ZSCAN20: variants seen among roughly 807,000 people sequenced by gnomAD.
The protein encoded by ZSCAN20 is zinc finger and SCAN domain containing 20, also known as zinc finger and SCAN domain-containing protein 20.
A neutral mutation model predicts 97.1 loss-of-function variants in ZSCAN20; 39 were observed. The ratio of observed to expected loss-of-function variants is 0.40; its 90% CI spans 0.31 to 0.52. The LOEUF (loss-of-function observed/expected upper bound fraction) is 0.52. Among genes scored for constraint, ZSCAN20 ranks in the 20% least tolerant of loss-of-function variants. ZSCAN20 has a pLI of 0.49. For synonymous variants in ZSCAN20, 456 were observed against 467.3 expected (o/e 0.98, Z 0.31); for missense variants, 1,115 against 1,290.4 (o/e 0.86, Z 2.08).
chr1:33,494,879 A>G lies in ZSCAN20; in HGVS notation c.2535A>G (p.Thr845=). The change falls in exon 8 of 8, where the codon ACA becomes ACG. Residue 845 remains threonine (T), a synonymous_variant. Transcript: ENST00000684572. ...PSFSAHWRNS[T]EETAPEQPQS... Reference sequence around the variant, plus strand: ...TTAGTGCTCACTGGAGGAATTCTACAGAAGAGACAGCTCCTGAACAACCTC... The same window carrying G: ...TTAGTGCTCACTGGAGGAATTCTACGGAAGAGACAGCTCCTGAACAACCTC... 5.6e-6 allele frequency: 9 copies of G among 1,614,240 alleles called. No individual in the cohort carries two copies. The highest frequency in any genetic ancestry group is 7.6e-6 in the Non-Finnish European group (9 of 1,180,040).
At position 33,491,241 on chromosome 1, in the gene ZSCAN20, A is replaced by G. The variant is rs191175075; in HGVS notation, c.983A>G (p.Tyr328Cys). 2.5e-6 allele frequency: 4 copies of G among 1,614,160 alleles called. No homozygotes were observed. Among genetic ancestry groups the G allele is most frequent in the Non-Finnish European group, 3.4e-6 (4 of 1,180,038 alleles). ...AAGGTGTCAGGTGTTCACTGGGGCT[A>G]TGAGGAGACCAAGACTTTCCTGGCA... ...DMKVSGVHWG[Y>C]EETKTFLAIL... The change falls in exon 6 of 8, where the codon TAT becomes TGT. Residue 328 changes from tyrosine (Y) to cysteine (C), a missense_variant. Physicochemically the swap from Tyr to Cys is radical, Grantham distance 194. This residue lies in a region of ZSCAN20 where 508 missense variants were observed against 611.2 expected (regional missense o/e 0.83). Coordinates refer to ENST00000684572, the MANE Select transcript of ZSCAN20 (RefSeq NM_001377376.1). The surrounding 1 kb of genome is among the most constrained non-coding windows in gnomAD (Gnocchi z 4.3).
At position 33,498,139 on chromosome 1, in the gene ZSCAN20, C is replaced by G. The variant is rs867347122; in HGVS notation, c.*2663C>G. The stretch of plus-strand genomic sequence containing the variant: ...CACCCACTACCATCATGTTCTGGAC[C>G]CTGTCTTCTTTGTTACTGACCCCTG... On this transcript the variant is annotated 3_prime_UTR_variant, in exon 8 of 8. Transcript: ENST00000684572. 4.6e-5 allele frequency among the ~76,000 whole-genome samples: 7 copies of G among 152,086 alleles called. No individual in the cohort carries two copies. The South Asian group carries it at 6.2e-4, about 14-fold the overall frequency.
At chr1:33,492,205 C>T (rs1250949218) in intron 6 of ZSCAN20, 1 of 152,612 alleles carries the variant, frequency 6.6e-6, no homozygotes, top group African/African-American at 2.4e-5. Context: ...ACATGGAAGT[C>T]CATGAGATGA....
chr1:33,486,887 T>C (rs770760940), intron 2 of ZSCAN20, among the ~76,000 whole-genome samples: 6 of 152,208 alleles, frequency 3.9e-5, no homozygotes, highest in Non-Finnish European at 7.3e-5. Context: ...CATTCCTATA[T>C]GTCTTCTCAA....
chr1:33,497,160 A>G lies in ZSCAN20; in HGVS notation c.*1684A>G, dbSNP rs1652901168. On this transcript the variant is annotated 3_prime_UTR_variant, in exon 8 of 8. Coordinates refer to ENST00000684572, the MANE Select transcript of ZSCAN20 (RefSeq NM_001377376.1). ...AACATGTGAGGAAGCCAGTGGAGAG[A>G]TTTGCTACTCCCACAGAGTGATATC... is the stretch of plus-strand genomic sequence containing the variant. 6.6e-6 allele frequency among the ~76,000 whole-genome samples: 1 copy of G among 152,086 alleles called. No homozygotes were observed. Among genetic ancestry groups the G allele is most frequent in the South Asian group, 2.1e-4 (1 of 4,826 alleles).
In ZSCAN20 at chr1:33,495,555, C is replaced by A; in HGVS notation, c.*79C>A. The A allele has an allele frequency of 7.7e-7, 1 of 1,293,396 alleles. No individual in the cohort carries two copies. The highest frequency in any genetic ancestry group is 1.0e-6 in the Non-Finnish European group (1 of 1,001,008). The allele number at this position is 1,293,396 out of a possible 1,614,324, so 80.1% of individuals were successfully genotyped here. ...AAGATGTATGCTAGAGATAAACTTT[C>A]CAATTTTTAAGCTTGGTGTGTACCC... On this transcript the variant is annotated 3_prime_UTR_variant, in exon 8 of 8. Transcript: ENST00000684572.
chr1:33,488,889 G>T (rs754214066), intron 3 of ZSCAN20, among the ~76,000 whole-genome samples: 1 of 152,172 alleles, frequency 6.6e-6, no homozygotes, highest in African/African-American at 2.4e-5. Flanking sequence ...TGGGACAGGG[G>T]TGGGTGGTGA....
chr1:33,500,073 C>T lies in ZSCAN20; in HGVS notation c.*4597C>T, dbSNP rs926503920. Among the ~76,000 whole-genome samples the T allele has an allele frequency of 1.3e-5, 2 of 152,130 alleles. No individual in the cohort carries two copies. Among genetic ancestry groups the T allele is most frequent in the African/African-American group, 4.8e-5 (2 of 41,408 alleles). On this transcript the variant is annotated 3_prime_UTR_variant, in exon 8 of 8. Transcript: ENST00000684572. ...GGATGGTAGACACTGGATCCTTTTC[C>T]CCCACAGCTCCTGGCTGTTTCTTCA...
chr1:33,497,255 A>C lies in ZSCAN20; in HGVS notation c.*1779A>C, dbSNP rs185456917. Among the ~76,000 whole-genome samples, 1 of 151,550 alleles carries C rather than the reference A, an allele frequency of 6.6e-6. No homozygotes were observed. Among genetic ancestry groups the C allele is most frequent in the Non-Finnish European group, 1.5e-5 (1 of 67,902 alleles). On this transcript the variant is annotated 3_prime_UTR_variant, in exon 8 of 8. Transcript: ENST00000684572. ...ACCAGCCCCACTAGGATCACCGTCA[A>C]CTCCCTCCCAGTTTACCTTTTCTGG...
intron 1 of ZSCAN20, among the ~76,000 whole-genome samples, chr1:33,478,138 A>G (rs899610723): frequency 2.6e-5 from 4 of 152,124 alleles, no homozygotes; most frequent in Non-Finnish European, 1.5e-5. Context: ...GAAATGGTAG[A>G]TCACTGGAGG....
In ZSCAN20 at chr1:33,475,306, A is replaced by G. The variant is rs369197203; in HGVS notation, c.-111+2615A>G. On this transcript the variant is annotated intron_variant, in intron 1 of 7. Transcript: ENST00000684572. ...TGAGGATATAGTGCAGTCATACCTT[A>G]TCAGATAATAATATTCTAAGGGTGA... Among the ~76,000 whole-genome samples the G allele has an allele frequency of 9.8e-4, 149 of 152,358 alleles. 6 individuals are homozygous for G. In the South Asian group the frequency reaches 0.03, roughly 30 times the overall value.
intron 2 of ZSCAN20, among the ~76,000 whole-genome samples, chr1:33,485,188 A>G (rs1652310440): frequency 6.6e-6 from 1 of 152,134 alleles, no homozygotes; most frequent in African/African-American, 2.4e-5. Context: ...CTTAATAGAT[A>G]TTGGCCTCTT....
chr1:33,473,117 G>GTT (rs1302564448), intron 1 of ZSCAN20, among the ~76,000 whole-genome samples: 1 of 152,172 alleles, frequency 6.6e-6, no homozygotes, highest in East Asian at 1.9e-4. Flanking sequence ...TATCTAATTT[G>GTT]TTACCTCCCT....
At position 33,488,559 on chromosome 1, in the gene ZSCAN20, G is replaced by A. The variant is rs1335735825; in HGVS notation, c.512G>A (p.Gly171Glu). 3 of 1,613,632 alleles carry A rather than the reference G, an allele frequency of 1.9e-6. No homozygotes were observed. The highest frequency in any genetic ancestry group is 2.2e-5 in the East Asian group (1 of 44,886). The change falls in exon 3 of 8, where the codon GGA (glycine) becomes GAA (glutamate). Residue 171 changes from glycine to glutamate, a missense_variant. Around this residue, in one of 3 missense-constraint regions of ZSCAN20, gnomAD observed 508 missense variants for 611.2 expected, o/e 0.83. Coordinates refer to ENST00000684572, the MANE Select transcript of ZSCAN20 (RefSeq NM_001377376.1). ...CAGCCAGTGGATCCCTGGCCTGAGGGACAGTCCCAGAAGAAGGGGGTGAAG... is the reference window on the plus strand; with the variant it reads ...CAGCCAGTGGATCCCTGGCCTGAGGAACAGTCCCAGAAGAAGGGGGTGAAG... ...QLQPVDPWPE[G>E]QSQKKGVKNT...
At chr1:33,489,331 C>A (rs1652503164) in intron 4 of ZSCAN20, 140 bp downstream of exon 4, 2 of 1,066,514 alleles carry the variant, frequency 1.9e-6, no homozygotes, top group Non-Finnish European at 1.4e-6. Flanking sequence ...CCTTCACCCC[C>A]AGCCTGCTGG....
intron 2 of ZSCAN20, among the ~76,000 whole-genome samples, chr1:33,486,582 AT>A (rs1394476587): frequency 6.6e-6 from 1 of 152,172 alleles, no homozygotes; most frequent in African/African-American, 2.4e-5. Flanking sequence ...TGACCTACTA[AT>A]TTTTTGTCTC....
intron 1 of ZSCAN20, among the ~76,000 whole-genome samples, chr1:33,478,480 G>C (rs76938291): frequency 0.01 from 1,521 of 152,070 alleles, 32 homozygotes; most frequent in African/African-American, 0.035. Flanking sequence ...TCCAGTTTTT[G>C]ACTCATTGAG....
At position 33,497,580 on chromosome 1, in the gene ZSCAN20, A is replaced by G. The variant is rs1490030944; in HGVS notation, c.*2104A>G. On this transcript the variant is annotated 3_prime_UTR_variant, in exon 8 of 8. Coordinates refer to ENST00000684572, the MANE Select transcript of ZSCAN20 (RefSeq NM_001377376.1). ...GAGTGTCAACACCAGGCCCGGGGCA[A>G]TGTTCAGATGTGCATGGTTGAAATC... 6.6e-6 allele frequency among the ~76,000 whole-genome samples: 1 copy of G among 152,186 alleles called. No individual in the cohort carries two copies. Among genetic ancestry groups the G allele is most frequent in the Non-Finnish European group, 1.5e-5 (1 of 68,024 alleles).
Position 33,479,352 on chromosome 1 carries a change from A to C in ZSCAN20, c.64A>C (p.Ile22Leu). ...GCAGCCAGAGCCTGAAGAACTCCTG[A>C]TTGTGAAACTGGAAGAGGACTCTTG... is the stretch of plus-strand genomic sequence containing the variant. Reference protein sequence around the residue: ...SPQPEPEELLIVKLEEDSWGS... With the variant: ...SPQPEPEELLLVKLEEDSWGS... Residue 22 changes from isoleucine to leucine, a missense_variant, in exon 2 of 8, where the codon ATT becomes CTT. Ile to Leu is a conservative substitution (Grantham distance 5). Coordinates refer to ENST00000684572, the MANE Select transcript of ZSCAN20 (RefSeq NM_001377376.1). The C allele has an allele frequency of 6.2e-7, 1 of 1,614,188 alleles. No homozygotes were observed. The highest frequency in any genetic ancestry group is 1.1e-5 in the South Asian group (1 of 91,080).
Sources: allele counts gnomAD v4.1 joint callset (sites outside exome capture counted in the v4.1 genomes callset), GRCh38; gene constraint gnomAD v4.1.1; regional missense constraint gnomAD v4.1.1; non-coding constraint Gnocchi (gnomAD v3.1); transcripts MANE v1.5; gene names NCBI Gene and HGNC (gene_info 2026-07-23, HGNC 2026-07-21).